SMC3: variants seen among roughly 807,000 people sequenced by gnomAD.
SMC3 encodes structural maintenance of chromosomes 3.
SMC3 carries 20 observed loss-of-function variants against 171.8 expected under a neutral mutation model. That is an observed-to-expected ratio of 0.12 (90% CI 0.08 to 0.17). SMC3 has a LOEUF of 0.17. Among genes scored for constraint, SMC3 ranks in the 10% least tolerant of loss-of-function variants. The pLI, the probability that SMC3 is intolerant of heterozygous loss-of-function variation, is 1.00. For synonymous variants in SMC3, 464 were observed against 451.1 expected (o/e 1.03, Z -0.36); for missense variants, 543 against 1,420.4 (o/e 0.38, Z 9.93).
At chr10:110,599,552 T>G (rs1267670033) in intron 20 of SMC3, 102 bp from the exon 21 acceptor site, 3 of 997,866 alleles carry the variant, frequency 3.0e-6, no homozygotes, top group East Asian at 2.5e-5. Context: ...TGAGTTGATA[T>G]GTCTATATAT....
intron 16 of SMC3, 41 bp from the exon 17 acceptor site, chr10:110,590,950 T>C (rs1259811316): frequency 6.3e-7 from 1 of 1,598,364 alleles, no homozygotes; most frequent in Non-Finnish European, 8.6e-7. Flanking sequence ...AGGGAGACCC[T>C]GAGTACCAAT....
chr10:110,593,571 C>G (rs887956992), intron 18 of SMC3, among the ~76,000 whole-genome samples: 3 of 150,792 alleles, frequency 2.0e-5, no homozygotes, highest in Non-Finnish European at 4.4e-5. Flanking sequence ...GACTCTGTCT[C>G]AAAAAACAAA....
At chr10:110,589,199 C>T (rs573712983) in intron 13 of SMC3, among the ~76,000 whole-genome samples, 2 of 152,016 alleles carry the variant, frequency 1.3e-5, no homozygotes, top group East Asian at 3.9e-4. Context: ...ACCATCCTGG[C>T]TAACACGGTG....
intron 17 of SMC3, among the ~76,000 whole-genome samples, chr10:110,592,669 G>A (rs1409527175): frequency 6.6e-6 from 1 of 152,100 alleles, no homozygotes; most frequent in Non-Finnish European, 1.5e-5. Context: ...CGTAAGTTTT[G>A]CATATATTAA....
At chr10:110,579,708 T>G (rs559186179) in intron 7 of SMC3, among the ~76,000 whole-genome samples, 36 of 152,184 alleles carry the variant, frequency 2.4e-4, no homozygotes, top group Admixed American at 3.9e-4. Context: ...GGCACATATG[T>G]TGTAGCCATT....
rs757574487 is a variant in SMC3 at position 110,602,536 on chromosome 10, G to A, written c.3168G>A (p.Val1056=). 4.3e-6 allele frequency: 7 copies of A among 1,613,558 alleles called. No homozygotes were observed. The highest frequency in any genetic ancestry group is 1.1e-5 in the South Asian group (1 of 91,064). The stretch of plus-strand genomic sequence containing the variant: ...TACCTGGTGGCAAAGCTACTTTGGT[G>A]ATGAAGAAAGGAGATGTGGAGGGCA... ...KLVPGGKATL[V]MKKGDVEGSQ... is the part of the protein sequence containing the mutation. Residue 1056 remains valine, a synonymous_variant, in exon 26 of 29, where the codon GTG becomes GTA. Coordinates refer to ENST00000361804, the MANE Select transcript of SMC3 (RefSeq NM_005445.4).
In SMC3 at chr10:110,602,181, A is replaced by T. The variant is rs745657228; in HGVS notation, c.3105+3A>T. 2 of 1,610,096 alleles carry T rather than the reference A, an allele frequency of 1.2e-6. No homozygotes were observed. Among genetic ancestry groups the T allele is most frequent in the African/African-American group, 1.3e-5 (1 of 74,984 alleles). ...CTATTCAGTTAACTTTCAAACAGGT[A>T]TGTTTCGCTTTGTAGTTAAAACATA... On this transcript the variant is annotated splice_donor_region_variant and intron_variant, in intron 25 of 28. Coordinates refer to ENST00000361804, the MANE Select transcript of SMC3 (RefSeq NM_005445.4).
At position 110,599,215 on chromosome 10, in the gene SMC3, G is replaced by A. The variant is rs563004929; in HGVS notation, c.2269-439G>A. On this transcript the variant is annotated intron_variant, in intron 20 of 28. Coordinates refer to ENST00000361804, the MANE Select transcript of SMC3 (RefSeq NM_005445.4). ...TGGGTTCAAGCAATTCTCCTGCCTC[G>A]GCCTCCAGAGTAGCTGGGATTGCAG... is the stretch of plus-strand genomic sequence containing the variant. Among the ~76,000 whole-genome samples the A allele has an allele frequency of 7.2e-5, 11 of 152,054 alleles. No homozygotes were observed. In the East Asian group the frequency reaches 1.7e-3, roughly 24 times the overall value.
At position 110,575,466 on chromosome 10, in the gene SMC3, G is replaced by A; in HGVS notation, c.198+63G>A. On this transcript the variant is annotated intron_variant, in intron 4 of 28. Coordinates refer to ENST00000361804, the MANE Select transcript of SMC3 (RefSeq NM_005445.4). Reference sequence around the variant, plus strand: ...TATATTTTAAAAATAAATTTTCCATGCTGGTTAAAAAAGCATTTGTTCAAG... The same window carrying A: ...TATATTTTAAAAATAAATTTTCCATACTGGTTAAAAAAGCATTTGTTCAAG... The A allele has an allele frequency of 3.3e-6, 4 of 1,214,018 alleles. No individual in the cohort carries two copies. In the South Asian group the frequency reaches 5.1e-5, roughly 16 times the overall value. 75.2% of individuals were successfully genotyped at this position (1,214,018 alleles called of 1,614,324 possible). A position where few individuals can be genotyped will look rare whatever the true frequency, so the allele number is the denominator to read the frequency against.
chr10:110,583,718 T>G lies in SMC3; in HGVS notation c.970-123T>G, dbSNP rs1185355183. On this transcript the variant is annotated intron_variant, in intron 11 of 28. Transcript: ENST00000361804. ...GGTACTGTCCCTTTGTTTCTTACAT[T>G]AAAAAAGAGTTTCATGTTACAGGTG... 4.0e-6 allele frequency: 5 copies of G among 1,237,326 alleles called. No homozygotes were observed. The East Asian group carries it at 9.4e-5, about 23-fold the overall frequency. 76.6% of individuals were successfully genotyped at this position (1,237,326 alleles called of 1,614,324 possible). A position where few individuals can be genotyped will look rare whatever the true frequency, so the allele number is the denominator to read the frequency against.
rs140989472 is a variant in SMC3 at position 110,583,296 on chromosome 10, A to G, written c.805-88A>G. 9.6e-4 allele frequency: 1,021 copies of G among 1,061,234 alleles called. 18 individuals carry two copies. The South Asian group carries it at 0.01, about 11-fold the overall frequency. The allele number at this position is 1,061,234 out of a possible 1,614,324, so 65.7% of individuals were successfully genotyped here. ...AATATTGAAAGGACAGAGTATTACTAAACATTAAGTGAAAGAGAATTAATG... is the reference window on the plus strand; with the variant it reads ...AATATTGAAAGGACAGAGTATTACTGAACATTAAGTGAAAGAGAATTAATG... On this transcript the variant is annotated intron_variant, in intron 10 of 28. Transcript: ENST00000361804.
chr10:110,575,241 A>G, intron 3 of SMC3, 95 bp from the exon 4 acceptor site: 1 of 874,108 alleles, frequency 1.1e-6, no homozygotes, highest in Non-Finnish European at 1.9e-6. Context: ...ATTGTCTATT[A>G]CCAGACACAC....
chr10:110,591,292 G>A (rs1162922123), intron 17 of SMC3, among the ~76,000 whole-genome samples, 160 bp downstream of exon 17: 1 of 152,172 alleles, frequency 6.6e-6, no homozygotes, highest in Non-Finnish European at 1.5e-5. Context: ...AGTGGGTTTT[G>A]GGGAGGGAGA....
chr10:110,600,974 G>T, intron 22 of SMC3, 48 bp from the exon 23 acceptor site: 1 of 1,320,334 alleles, frequency 7.6e-7, no homozygotes, highest in East Asian at 2.3e-5. Flanking sequence ...AGAAAATGTT[G>T]GCAGTCATAA....
chr10:110,604,622 G>A lies in SMC3; in HGVS notation c.*320G>A, dbSNP rs1191532150. 1 of 310,668 alleles carries A rather than the reference G, an allele frequency of 3.2e-6. No homozygotes were observed. The highest frequency in any genetic ancestry group is 6.1e-6 in the Non-Finnish European group (1 of 163,168). 19.2% of individuals were successfully genotyped at this position (310,668 alleles called of 1,614,324 possible). On this transcript the variant is annotated 3_prime_UTR_variant, in exon 29 of 29. Coordinates refer to ENST00000361804, the MANE Select transcript of SMC3 (RefSeq NM_005445.4). ...TTTTATAGCTTCAATTAAATAATCG[G>A]TTTTATGACTAATATAGTGTTTTAT... is the stretch of plus-strand genomic sequence containing the variant.
At chr10:110,579,390 G>A (rs952616564) in intron 7 of SMC3, among the ~76,000 whole-genome samples, 4 of 152,088 alleles carry the variant, frequency 2.6e-5, no homozygotes, top group African/African-American at 9.7e-5. Flanking sequence ...TTAACTATTT[G>A]TGGGAGATAA....
intron 13 of SMC3, among the ~76,000 whole-genome samples, chr10:110,588,579 G>T (rs1041459099): frequency 6.6e-6 from 1 of 152,146 alleles, no homozygotes; most frequent in African/African-American, 2.4e-5. Context: ...AGTAAGGCAA[G>T]GATTTTTGTT....
At chr10:110,593,028 G>A in intron 17 of SMC3, 45 bp from the exon 18 acceptor site, 1 of 1,478,484 alleles carries the variant, frequency 6.8e-7, no homozygotes, top group Non-Finnish European at 9.5e-7. Flanking sequence ...TAAGTTCTTA[G>A]TTAACTGTGT....
chr10:110,589,783 C>A, intron 14 of SMC3, 75 bp downstream of exon 14: 1 of 1,431,160 alleles, frequency 7.0e-7, no homozygotes, highest in Non-Finnish European at 9.8e-7. Flanking sequence ...CTTTAAGTTA[C>A]AAGTTAACCG....
Sources: gnomAD v4.1 joint callset for allele counts (sites outside exome capture counted in the v4.1 genomes callset) on GRCh38, gnomAD v4.1.1 for gene constraint, MANE v1.5 for transcripts, NCBI Gene and HGNC (gene_info 2026-07-23, HGNC 2026-07-21) for gene names.